HIF1A: variants seen among roughly 807,000 people sequenced by gnomAD.
The protein encoded by HIF1A is hypoxia inducible factor 1 subunit alpha.
A neutral mutation model predicts 92.7 loss-of-function variants in HIF1A; 24 were observed. The observed-to-expected ratio is 0.26, with a 90% CI of 0.19 to 0.36. The LOEUF (loss-of-function observed/expected upper bound fraction) is 0.36. HIF1A is among the 10% of genes least tolerant of loss of function. HIF1A has a pLI of 1.00. For missense variants in HIF1A, 799 were observed against 998.5 expected (o/e 0.80, Z 2.69); for synonymous variants, 319 against 338.7 (o/e 0.94, Z 0.64).
At chr14:61,718,434 G>T in intron 1 of HIF1A, among the ~76,000 whole-genome samples, 1 of 152,166 alleles carries the variant, frequency 6.6e-6, no homozygotes, top group East Asian at 1.9e-4. Context: ...GGGAGGAAGT[G>T]AGAGATTTTC....
Position 61,740,508 on chromosome 14 carries a change from A to G in HIF1A, c.1540A>G (p.Asn514Asp), listed in dbSNP as rs764684943. The change falls in exon 11 of 15, where the codon AAT becomes GAT. Residue 514 changes from asparagine to aspartate, a missense_variant. This residue lies in a region of HIF1A where 516 missense variants were observed against 721.0 expected (regional missense o/e 0.72). Coordinates refer to ENST00000337138, the MANE Select transcript of HIF1A (RefSeq NM_001530.4). ...GTAAACATATTTCTTTTTACAGCCT[A>G]ATAGTCCCAGTGAATATTGTTTTTA... ...GSTRQSSPEP[N>D]SPSEYCFYVD... The G allele has an allele frequency of 1.5e-5, 23 of 1,578,130 alleles. No individual in the cohort carries two copies. The highest frequency in any genetic ancestry group is 3.4e-4 in the Middle Eastern group (2 of 5,856).
intron 4 of HIF1A, among the ~76,000 whole-genome samples, chr14:61,725,149 C>G (rs1467749278): frequency 6.6e-6 from 1 of 152,182 alleles, no homozygotes; most frequent in Non-Finnish European, 1.5e-5. Context: ...TTCTTGATTT[C>G]CCTTGACTAG....
chr14:61,706,784 A>T (rs2044243591), intron 1 of HIF1A, among the ~76,000 whole-genome samples: 1 of 152,194 alleles, frequency 6.6e-6, no homozygotes, highest in Non-Finnish European at 1.5e-5. Flanking sequence ...TGAAACATAG[A>T]CTTTAAACAG....
rs190860864 is a variant in HIF1A, at chr14:61,747,905, A to T, written c.*820A>T. The T allele has an allele frequency of 3.6e-4, 55 of 152,646 alleles. No individual in the cohort carries two copies. In the East Asian group the frequency reaches 6.2e-3, roughly 17 times the overall value. 9.5% of individuals were successfully genotyped at this position (152,646 alleles called of 1,614,324 possible). On this transcript the variant is annotated 3_prime_UTR_variant, in exon 15 of 15. Coordinates refer to ENST00000337138, the MANE Select transcript of HIF1A (RefSeq NM_001530.4). ...TTTATGCTAATATTGTGTAACTGAT[A>T]TTAAACCTAAATGTTCTGCCTACCC... is the stretch of plus-strand genomic sequence containing the variant.
intron 12 of HIF1A, among the ~76,000 whole-genome samples, chr14:61,743,539 T>A (rs2044739983): frequency 6.6e-6 from 1 of 152,178 alleles, no homozygotes; most frequent in African/African-American, 2.4e-5. Flanking sequence ...ACAATATATC[T>A]GTATAAGAAT....
chr14:61,723,456 G>A (rs1409578463), intron 4 of HIF1A, among the ~76,000 whole-genome samples: 1 of 152,210 alleles, frequency 6.6e-6, no homozygotes, highest in Non-Finnish European at 1.5e-5. Context: ...GTCCTTTGGA[G>A]CGCTTTTCAT....
At position 61,740,599 on chromosome 14, in the gene HIF1A, C is replaced by T. The variant is rs748009728; in HGVS notation, c.1631C>T (p.Thr544Ile). The change falls in exon 11 of 15, where the codon ACA becomes ATA. Residue 544 changes from threonine (T) to isoleucine (I), a missense_variant. Transcript: ENST00000337138. The stretch of plus-strand genomic sequence containing the variant: ...GTAGAAAAACTTTTTGCTGAAGACA[C>T]AGAAGCAAAGAACCCATTTTCTACT... ...ELVEKLFAED[T>I]EAKNPFSTQD... 1 of 1,608,714 alleles carries T rather than the reference C, an allele frequency of 6.2e-7. No homozygotes were observed. The highest frequency in any genetic ancestry group is 8.5e-7 in the Non-Finnish European group (1 of 1,177,608).
intron 1 of HIF1A, among the ~76,000 whole-genome samples, chr14:61,709,502 C>T (rs12232182): frequency 0.62 from 94,088 of 152,072 alleles, 33,913 homozygotes; most frequent in East Asian, 0.78. Context: ...TATTTTACTG[C>T]ATTAGAAAAT....
At chr14:61,726,560 G>T in intron 4 of HIF1A, 146 bp from the exon 5 acceptor site, 1 of 535,804 alleles carries the variant, frequency 1.9e-6, no homozygotes, top group Non-Finnish European at 3.4e-6. Flanking sequence ...GCTGGAGTGA[G>T]TAAAAGGGGA....
In HIF1A at chr14:61,720,494, G is replaced by T; in HGVS notation, c.148G>T (p.Val50Leu). Residue 50 changes from valine (V) to leucine (L), a missense_variant, in exon 2 of 15, where the codon GTG (valine) becomes TTG (leucine). Transcript: ENST00000337138. ...LAHQLPLPHN[V>L]SSHLDKASVM... ...TCATCAGTTGCCACTTCCACATAAT[G>T]TGAGTTCGCATCTTGATAAGGCCTC... is the stretch of plus-strand genomic sequence containing the variant. 1 of 1,613,612 alleles carries T rather than the reference G, an allele frequency of 6.2e-7. No homozygotes were observed. Among genetic ancestry groups the T allele is most frequent in the Admixed American group, 1.7e-5 (1 of 59,966 alleles).
chr14:61,736,292 C>G (rs968748600), intron 8 of HIF1A, among the ~76,000 whole-genome samples: 4 of 152,072 alleles, frequency 2.6e-5, no homozygotes, highest in African/African-American at 9.7e-5. Flanking sequence ...ATCTGAAATT[C>G]TTAACTGAAA....
intron 1 of HIF1A, among the ~76,000 whole-genome samples, chr14:61,713,069 G>T (rs1235577476): frequency 1.3e-5 from 2 of 152,064 alleles, no homozygotes; most frequent in Non-Finnish European, 2.9e-5. Context: ...AGAAGGAGTA[G>T]AGTAAGCAAG....
At chr14:61,696,072 G>A (rs1442010386) in intron 1 of HIF1A, among the ~76,000 whole-genome samples, 2 of 152,140 alleles carry the variant, frequency 1.3e-5, no homozygotes, top group Non-Finnish European at 2.9e-5. Context: ...GCTTTCAGGG[G>A]CCGGGGTCTG....
chr14:61,714,850 A>G (rs956968850), intron 1 of HIF1A, among the ~76,000 whole-genome samples: 1 of 152,198 alleles, frequency 6.6e-6, no homozygotes, highest in African/African-American at 2.4e-5. Flanking sequence ...CCTGGCCAAC[A>G]TAATGAAACC....
chr14:61,698,327 C>T (rs1228384699), intron 1 of HIF1A, among the ~76,000 whole-genome samples: 1 of 152,184 alleles, frequency 6.6e-6, no homozygotes, highest in Non-Finnish European at 1.5e-5. Context: ...GAGGCAGATA[C>T]CTCTGAGTTA....
At chr14:61,722,964 CT>C (rs1323211897) in intron 4 of HIF1A, among the ~76,000 whole-genome samples, 1 of 152,096 alleles carries the variant, frequency 6.6e-6, no homozygotes, top group Non-Finnish European at 1.5e-5. Flanking sequence ...TGGAAAGTAC[CT>C]CTTGAATTAC....
chr14:61,742,857 C>T (rs1320047670), intron 12 of HIF1A, among the ~76,000 whole-genome samples: 1 of 116,994 alleles, frequency 8.5e-6, no homozygotes, highest in African/African-American at 3.1e-5. Context: ...TGCACTCCAG[C>T]CTGGGCGAGA....
chr14:61,695,891 C>A, intron 1 of HIF1A, 52 bp downstream of exon 1: 1 of 1,522,022 alleles, frequency 6.6e-7, no homozygotes, highest in Non-Finnish European at 8.9e-7. Flanking sequence ...CCCCGCCCGC[C>A]TGCCCGCCCT....
intron 1 of HIF1A, among the ~76,000 whole-genome samples, chr14:61,711,047 C>CAAAA (rs60358775): frequency 8.8e-6 from 1 of 113,492 alleles, no homozygotes; most frequent in Non-Finnish European, 1.9e-5. Context: ...GACTCTGTCT[C>CAAAA]AAAAAAAAAA....
Sources: allele counts gnomAD v4.1 joint callset (sites outside exome capture counted in the v4.1 genomes callset), GRCh38; gene constraint gnomAD v4.1.1; regional missense constraint gnomAD v4.1.1; transcripts MANE v1.5; gene names NCBI Gene and HGNC (gene_info 2026-07-23, HGNC 2026-07-21).